Variants in CTU2 observed in about 807,000 individuals in gnomAD.
CTU2 encodes the protein cytoplasmic tRNA 2-thiolation protein 2.
CTU2 carries 80 observed loss-of-function variants against 64.1 expected under a neutral mutation model. The observed-to-expected ratio is 1.25, with a 90% CI of 1.04 to 1.50. The LOEUF is 1.50. CTU2 is among the 40% of genes most tolerant of loss of function. The pLI is 0.00. For missense variants in CTU2, 1,110 were observed against 690.2 expected (o/e 1.61, Z -6.81); for synonymous variants, 482 against 285.3 (o/e 1.69, Z -6.95).
intron 6 of CTU2, 106 bp from the exon 7 acceptor site, chr16:88,712,516 G>A (rs559252034): frequency 1.1e-5 from 17 of 1,497,268 alleles, no homozygotes; most frequent in Admixed American, 6.3e-5. Context: ...GCACCTGCCC[G>A]TGCCCCAGCC....
intron 2 of CTU2, among the ~76,000 whole-genome samples, chr16:88,707,662 G>A (rs943893165): frequency 1.3e-5 from 2 of 152,166 alleles, no homozygotes; most frequent in African/African-American, 4.8e-5. Flanking sequence ...TTTCCCCCAG[G>A]CGCTTGTCAT....
Position 88,712,342 on chromosome 16 carries a change from C to G in CTU2, c.412C>G (p.Gln138Glu), listed in dbSNP as rs1911396072. The change falls in exon 6 of 15, where the codon CAA (glutamine) becomes GAA (glutamate). Residue 138 changes from glutamine (Q) to glutamate (E), a missense_variant. Physicochemically the swap from Gln to Glu is conservative, Grantham distance 29. Transcript: ENST00000453996. ...KTLAEVKPIL[Q>E]ATGFPWHVVA... ...CCTGGCCGAAGTGAAGCCCATTCTG[C>G]AAGCAACTGGGTTCCCATGGCATGT... 6.2e-7 allele frequency: 1 copy of G among 1,610,696 alleles called. No individual in the cohort carries two copies. The highest frequency in any genetic ancestry group is 8.5e-7 in the Non-Finnish European group (1 of 1,178,554).
Position 88,714,481 on chromosome 16 carries a change from C to G in CTU2, c.1196C>G (p.Ala399Gly), listed in dbSNP as rs753542455. 6.2e-7 allele frequency: 1 copy of G among 1,612,646 alleles called. No homozygotes were observed. Among genetic ancestry groups the G allele is most frequent in the African/African-American group, 1.3e-5 (1 of 75,048 alleles). The change falls in exon 11 of 15, where the codon GCC becomes GGC. Residue 399 changes from alanine (A) to glycine (G), a missense_variant. Ala to Gly is a moderately conservative substitution (Grantham distance 60). Coordinates refer to ENST00000453996, the MANE Select transcript of CTU2 (RefSeq NM_001012759.3). The stretch of plus-strand genomic sequence containing the variant: ...TGCATGTGTGCCCTGGACGTCGACG[C>G]CGCTGGTCTGTGTTTCATGCTCTTG... Reference protein sequence around the residue: ...LLCMCALDVDAADSATAFGAQ... With the variant: ...LLCMCALDVDGADSATAFGAQ...
chr16:88,713,475 G>GCCCATCCTCACCTTCAC, intron 8 of CTU2, 28 bp downstream of exon 8: 1 of 1,563,520 alleles, frequency 6.4e-7, no homozygotes, highest in Non-Finnish European at 8.6e-7. Flanking sequence ...TGTTCAGGAG[G>GCCCATCCTCACCTTCAC]CCCATCCTCA....
intron 5 of CTU2, among the ~76,000 whole-genome samples, 190 bp downstream of exon 5, chr16:88,711,885 C>A (rs1054752775): frequency 6.6e-6 from 1 of 152,166 alleles, no homozygotes; most frequent in African/African-American, 2.4e-5. Context: ...ATGTATCCAT[C>A]GTTAGGTGGC....
At position 88,715,312 on chromosome 16, in the gene CTU2, C is replaced by CGGAA. The variant is rs1911894327; in HGVS notation, c.*64_*67dup. The CGGAA allele has an allele frequency of 6.4e-7, 1 of 1,559,120 alleles. No homozygotes were observed. The highest frequency in any genetic ancestry group is 1.4e-5 in the African/African-American group (1 of 73,898). On this transcript the variant is annotated 3_prime_UTR_variant, in exon 15 of 15. Transcript: ENST00000453996. ...GCCACCTGGTACACCACACTGGAGC[C>CGGAA]GGAAGGCAAGGACGGGGGACTGGCC...
chr16:88,710,593 G>A (rs763227578), intron 4 of CTU2: 110 of 398,634 alleles, frequency 2.8e-4, no homozygotes, highest in Non-Finnish European at 4.2e-4. Flanking sequence ...CAGAAGCTGG[G>A]TCCACAGTGC....
At position 88,713,290 on chromosome 16, in the gene CTU2, C is replaced by T. The variant is rs890260552; in HGVS notation, c.738-22C>T. The T allele has an allele frequency of 2.5e-6, 4 of 1,585,680 alleles. No individual in the cohort carries two copies. In the South Asian group the frequency reaches 4.5e-5, roughly 18 times the overall value. On this transcript the variant is annotated intron_variant, in intron 7 of 14. Coordinates refer to ENST00000453996, the MANE Select transcript of CTU2 (RefSeq NM_001012759.3). ...CCCCGGGTCCTGCACCCCCCAGGCC[C>T]CTGAGACGCTCTGTGCTTTAGGACC...
In CTU2 at chr16:88,714,605, G is replaced by A; in HGVS notation, c.1220G>A (p.Gly407Glu). 1 of 1,612,624 alleles carries A rather than the reference G, an allele frequency of 6.2e-7. No homozygotes were observed. The highest frequency in any genetic ancestry group is 8.5e-7 in the Non-Finnish European group (1 of 1,179,902). The change falls in exon 12 of 15, where the codon GGG becomes GAG. Residue 407 changes from glycine to glutamate, a missense_variant. Physicochemically the swap from Gly to Glu is moderately conservative, Grantham distance 98 (BLOSUM62 -2). Coordinates refer to ENST00000453996, the MANE Select transcript of CTU2 (RefSeq NM_001012759.3). ...CTTGCAGACAGTGCCACGGCTTTTG[G>A]GGCTCAGACCTCCTCGCGTCTCTCC... ...VDAADSATAFGAQTSSRLSQM... is the reference protein window; with the variant it reads ...VDAADSATAFEAQTSSRLSQM...
chr16:88,707,345 C>A (rs6500490), intron 2 of CTU2, 135 bp downstream of exon 2: 186,093 of 840,106 alleles, frequency 0.22, 26,361 homozygotes, highest in East Asian at 0.69. Context: ...TGGGGTCCCT[C>A]GTGCCCCTGG....
At position 88,707,123 on chromosome 16, in the gene CTU2, C is replaced by G. The variant is rs780443303; in HGVS notation, c.69-13C>G. ...TCTGTGTTTCTCTCTTCTCCCCCCT[C>G]CCATCTCCAAAGCCGTGAGCAGAAG... On this transcript the variant is annotated splice_polypyrimidine_tract_variant and intron_variant, in intron 1 of 14. Coordinates refer to ENST00000453996, the MANE Select transcript of CTU2 (RefSeq NM_001012759.3). 2 of 1,613,080 alleles carry G rather than the reference C, an allele frequency of 1.2e-6. No individual in the cohort carries two copies. The highest frequency in any genetic ancestry group is 1.7e-5 in the Admixed American group (1 of 60,018).
chr16:88,707,230 G>C lies in CTU2; in HGVS notation c.143+20G>C. On this transcript the variant is annotated intron_variant, in intron 2 of 14. Coordinates refer to ENST00000453996, the MANE Select transcript of CTU2 (RefSeq NM_001012759.3). Reference sequence around the variant, plus strand: ...CTGCAGGTGAGGCCTGGAGGTGGCTGAGACCCTGGCAAACATGGCCTCGCT... The same window carrying C: ...CTGCAGGTGAGGCCTGGAGGTGGCTCAGACCCTGGCAAACATGGCCTCGCT... The C allele has an allele frequency of 6.2e-7, 1 of 1,612,100 alleles. No individual in the cohort carries two copies.
In CTU2 at chr16:88,715,139, T is replaced by TA. The variant is rs754027915; in HGVS notation, c.1478+35dup. 3.7e-6 allele frequency: 6 copies of TA among 1,607,304 alleles called. No homozygotes were observed. In the African/African-American group the frequency reaches 5.3e-5, roughly 14 times the overall value. On this transcript the variant is annotated intron_variant, in intron 14 of 14. Coordinates refer to ENST00000453996, the MANE Select transcript of CTU2 (RefSeq NM_001012759.3). ...GGCCCACACTGCCGTGGCGCGTGGG[T>TA]AAGGGGCCTCGGGGCTGGTGCCCAC... is the stretch of plus-strand genomic sequence containing the variant.
chr16:88,712,711 C>T lies in CTU2; in HGVS notation c.543C>T (p.Phe181=), dbSNP rs1012917750. ...EGAYKAAVDS[F]LQQQHVLGAG... ...CCTACAAGGCGGCCGTGGACAGCTT[C>T]CTCCAGCAGCAGCATGTGCTGGGGG... Residue 181 remains phenylalanine, a synonymous_variant, in exon 7 of 15, where the codon TTC becomes TTT. Coordinates refer to ENST00000453996, the MANE Select transcript of CTU2 (RefSeq NM_001012759.3). 4.3e-6 allele frequency: 7 copies of T among 1,610,004 alleles called. No individual in the cohort carries two copies. The highest frequency in any genetic ancestry group is 1.3e-5 in the African/African-American group (1 of 74,812).
chr16:88,709,801 C>G (rs1255552637), intron 2 of CTU2, 137 bp from the exon 3 acceptor site: 3 of 790,232 alleles, frequency 3.8e-6, no homozygotes, highest in Non-Finnish European at 6.4e-6. Context: ...TCACCAGTCT[C>G]TGGACAGAGC....
At position 88,709,526 on chromosome 16, in the gene CTU2, G is replaced by A. The variant is rs151047318; in HGVS notation, c.144-412G>A. The A allele has an allele frequency of 3.1e-3, 529 of 170,860 alleles. 3 individuals are homozygous for A. Among genetic ancestry groups the A allele is most frequent in the African/African-American group, 0.012 (513 of 41,948 alleles). 10.6% of individuals were successfully genotyped at this position (170,860 alleles called of 1,614,324 possible). A position where few individuals can be genotyped will look rare whatever the true frequency, so the allele number is the denominator to read the frequency against. Reference sequence around the variant, plus strand: ...TCGCTGTGGCCCGCTCCATTTCCACGTTTCACCTCCAAGAGGTGGTGTCTG... The same window carrying A: ...TCGCTGTGGCCCGCTCCATTTCCACATTTCACCTCCAAGAGGTGGTGTCTG... On this transcript the variant is annotated intron_variant, in intron 2 of 14. Transcript: ENST00000453996.
At chr16:88,710,117 C>A (rs960760858) in intron 3 of CTU2, 101 bp downstream of exon 3, 12 of 1,574,968 alleles carry the variant, frequency 7.6e-6, no homozygotes, top group Non-Finnish European at 1.0e-5. Flanking sequence ...CCCGCCAGCT[C>A]CTCCTTGGCC....
chr16:88,706,672 C>A, intron 1 of CTU2, 74 bp downstream of exon 1: 1 of 1,150,850 alleles, frequency 8.7e-7, no homozygotes. Flanking sequence ...AGGGTCCCGG[C>A]CGGGCTTGCT....
Position 88,712,725 on chromosome 16 carries a change from A to G in CTU2, c.557A>G (p.His186Arg), listed in dbSNP as rs1210003240. The G allele has an allele frequency of 2.5e-6, 4 of 1,609,544 alleles. No homozygotes were observed. The highest frequency in any genetic ancestry group is 3.4e-6 in the Non-Finnish European group (4 of 1,178,970). Residue 186 changes from histidine (H) to arginine (R), a missense_variant, in exon 7 of 15, where the codon CAT becomes CGT. Coordinates refer to ENST00000453996, the MANE Select transcript of CTU2 (RefSeq NM_001012759.3). The stretch of plus-strand genomic sequence containing the variant: ...GTGGACAGCTTCCTCCAGCAGCAGC[A>G]TGTGCTGGGGGCCGGGGGTGGTCCT... Reference protein sequence around the residue: ...AAVDSFLQQQHVLGAGGGPGP... With the variant: ...AAVDSFLQQQRVLGAGGGPGP...
Sources: allele counts gnomAD v4.1 joint callset (sites outside exome capture counted in the v4.1 genomes callset), GRCh38; gene constraint gnomAD v4.1.1; transcripts MANE v1.5; gene names NCBI Gene and HGNC (gene_info 2026-07-23, HGNC 2026-07-21).